STARD13: variants seen among roughly 807,000 people sequenced by gnomAD.
STARD13 encodes the protein stAR-related lipid transfer protein 13.
STARD13 carries 62 observed loss-of-function variants against 106.4 expected under a neutral mutation model. The ratio of observed to expected loss-of-function variants is 0.58; its 90% CI spans 0.48 to 0.72. The LOEUF (loss-of-function observed/expected upper bound fraction) is 0.72, where lower values mean the gene tolerates loss of function less well. Ranked by LOEUF, STARD13 falls within the 30% of genes least tolerant of loss-of-function variation. STARD13 has a pLI of 0.00. For synonymous variants in STARD13, 565 were observed against 553.0 expected (o/e 1.02, Z -0.31); for missense variants, 1,387 against 1,424.0 (o/e 0.97, Z 0.42).
chr13:33,158,191 A>AAGAGAGAGAGAGAG (rs371245565), intron 3 of STARD13, among the ~76,000 whole-genome samples: 8 of 148,552 alleles, frequency 5.4e-5, no homozygotes, highest in African/African-American at 2.0e-4. Flanking sequence ...GCTAGAGAGA[A>AAGAGAGAGAGAGAG]AGAGAGAGAG....
chr13:33,310,802 G>A (rs1164279190), intron 1 of STARD13, among the ~76,000 whole-genome samples: 1 of 152,042 alleles, frequency 6.6e-6, no homozygotes, highest in East Asian at 1.9e-4. Context: ...TTTCATCATT[G>A]TGCGAGCATC....
chr13:33,608,815 G>A, the STARD13 span, among the ~76,000 whole-genome samples: 1 of 152,112 alleles, frequency 6.6e-6, no homozygotes, highest in Admixed American at 6.5e-5. Context: ...GGCTGGGCCC[G>A]ATGGCTCACG....
intron 1 of STARD13, among the ~76,000 whole-genome samples, chr13:33,211,048 T>C (rs1887687116): frequency 6.6e-6 from 1 of 152,198 alleles, no homozygotes; most frequent in South Asian, 2.1e-4. Context: ...ATGAATATCA[T>C]TATAAATATG....
At chr13:33,668,273 T>C in the STARD13 span, among the ~76,000 whole-genome samples, 4 of 152,214 alleles carry the variant, frequency 2.6e-5, no homozygotes, top group Non-Finnish European at 5.9e-5. Flanking sequence ...CAAATATCTG[T>C]TCAAAAATGG....
chr13:33,591,949 ATAT>A, the STARD13 span, among the ~76,000 whole-genome samples: 1 of 152,198 alleles, frequency 6.6e-6, no homozygotes, highest in Non-Finnish European at 1.5e-5. Flanking sequence ...TTTTATATTC[ATAT>A]TATGCATTAC....
the STARD13 span, among the ~76,000 whole-genome samples, chr13:33,414,280 A>C: frequency 6.6e-6 from 1 of 152,218 alleles, no homozygotes; most frequent in African/African-American, 2.4e-5. Context: ...AATTTCTTCC[A>C]GCAATTGTTT....
chr13:33,472,015 T>C, the STARD13 span, among the ~76,000 whole-genome samples: 196 of 152,208 alleles, frequency 1.3e-3, no homozygotes, highest in African/African-American at 4.6e-3. Flanking sequence ...AATTATGTAG[T>C]ATACTCCCTT....
At position 33,231,026 on chromosome 13, in the gene STARD13, T is replaced by C. The variant is rs773403594; in HGVS notation, c.169+54444A>G. Among the ~76,000 whole-genome samples the C allele has an allele frequency of 7.9e-5, 12 of 152,314 alleles. 1 individual carries two copies. Among genetic ancestry groups the C allele is most frequent in the Middle Eastern group, 6.8e-3 (2 of 294 alleles). ...ATTGGGACACTAGCTTAGAAGGAGATAGAGTTTAAGTTGGGCTATATATAG... is the reference window on the plus strand; with the variant it reads ...ATTGGGACACTAGCTTAGAAGGAGACAGAGTTTAAGTTGGGCTATATATAG... On this transcript the variant is annotated intron_variant, in intron 1 of 13. Transcript: ENST00000336934.
the STARD13 span, among the ~76,000 whole-genome samples, chr13:33,556,850 T>G: frequency 2.0e-5 from 3 of 151,932 alleles, no homozygotes; most frequent in African/African-American, 7.3e-5. Context: ...TTCTCCTGGG[T>G]TCAAGCGATC....
the STARD13 span, among the ~76,000 whole-genome samples, chr13:33,445,050 A>G: frequency 6.6e-6 from 1 of 152,208 alleles, no homozygotes; most frequent in Admixed American, 6.5e-5. Flanking sequence ...AGTAACCATA[A>G]AAACATTCAG....
chr13:33,105,652 C>T lies in STARD13; in HGVS notation c.3283G>A (p.Ala1095Thr). The T allele has an allele frequency of 6.2e-7, 1 of 1,614,174 alleles. No individual in the cohort carries two copies. The highest frequency in any genetic ancestry group is 1.7e-5 in the Admixed American group (1 of 60,022). Residue 1095 changes from alanine to threonine, a missense_variant, in exon 14 of 14, where the codon GCC becomes ACC. Transcript: ENST00000336934. ...GGCTGGAAAGAGTTTCTAATCCTGGCAACTTCTGCTGCACACAGATGTCCA... is the reference window on the plus strand; with the variant it reads ...GGCTGGAAAGAGTTTCTAATCCTGGTAACTTCTGCTGCACACAGATGTCCA... ...GFGHLCAAEV[A>T]RIRNSFQPLI...
chr13:33,472,457 A>T, the STARD13 span, among the ~76,000 whole-genome samples: 1 of 152,282 alleles, frequency 6.6e-6, no homozygotes, highest in African/African-American at 2.4e-5. Flanking sequence ...GGGCTGTCTC[A>T]TCATGCATTG....
At chr13:33,355,210 C>T (rs2078113723), upstream of STARD13, 2 of 152,200 alleles carry the variant, frequency 1.3e-5, no homozygotes, top group Non-Finnish European at 2.9e-5. Context: ...CTCACAACCA[C>T]AGGCAATAAG....
intron 1 of STARD13, among the ~76,000 whole-genome samples, chr13:33,253,054 A>C (rs979403322): frequency 5.9e-5 from 9 of 152,186 alleles, no homozygotes; most frequent in African/African-American, 2.2e-4. Flanking sequence ...TTCCCATGAT[A>C]CTTAGATCCT....
the STARD13 span, among the ~76,000 whole-genome samples, chr13:33,394,795 C>T: frequency 2.0e-5 from 3 of 152,178 alleles, no homozygotes; most frequent in South Asian, 4.1e-4. Flanking sequence ...CACACAACAA[C>T]GCTGGCCAGA....
rs1190491022 is a variant in STARD13, at chr13:33,140,762, C to CTTT, written c.387+1545_387+1547dup. On this transcript the variant is annotated intron_variant, in intron 4 of 13. Coordinates refer to ENST00000336934, the MANE Select transcript of STARD13 (RefSeq NM_178006.4). ...GACCAGGATAAAAACACTTTCTTTT[C>CTTT]TTTCTTTTTTTTTTTTTTGAGGCGG... Among the ~76,000 whole-genome samples, 935 of 142,244 alleles carry CTTT rather than the reference C, an allele frequency of 6.6e-3. 17 individuals are homozygous for CTTT. Among genetic ancestry groups the CTTT allele is most frequent in the African/African-American group, 0.023 (875 of 37,648 alleles). 93.3% of individuals were successfully genotyped at this position (142,244 alleles called of 152,430 possible).
chr13:33,285,928 C>A (rs1257200017), upstream of STARD13, among the ~76,000 whole-genome samples: 1 of 151,972 alleles, frequency 6.6e-6, no homozygotes, highest in Non-Finnish European at 1.5e-5. Flanking sequence ...ACGCTGAAAG[C>A]AAAATACACG....
At chr13:33,477,709 G>A in the STARD13 span, among the ~76,000 whole-genome samples, 7 of 152,162 alleles carry the variant, frequency 4.6e-5, no homozygotes, top group East Asian at 1.9e-4. Flanking sequence ...CCATTCCTCC[G>A]CATGAAGCAG....
the STARD13 span, among the ~76,000 whole-genome samples, chr13:33,574,905 T>C: frequency 6.6e-6 from 1 of 150,888 alleles, no homozygotes; most frequent in Non-Finnish European, 1.5e-5. Flanking sequence ...TGATGTTATA[T>C]GCATCTACTT....
Sources: allele counts gnomAD v4.1 joint callset (sites outside exome capture counted in the v4.1 genomes callset), GRCh38; gene constraint gnomAD v4.1.1; transcripts MANE v1.5; gene names NCBI Gene and HGNC (gene_info 2026-07-23, HGNC 2026-07-21).